KCNMB2: variants seen among roughly 807,000 people sequenced by gnomAD.
KCNMB2 encodes the protein calcium-activated potassium channel subunit beta-2.
Under a neutral mutation model 24.5 loss-of-function variants are expected in KCNMB2, and 9 were observed. The ratio of observed to expected loss-of-function variants is 0.37; its 90% CI spans 0.22 to 0.64. The LOEUF (loss-of-function observed/expected upper bound fraction) is 0.64, where lower values mean the gene tolerates loss of function less well. Among genes scored for constraint, KCNMB2 ranks in the 30% least tolerant of loss-of-function variants. The pLI is 0.63. For missense variants in KCNMB2, 226 were observed against 284.3 expected, an observed-to-expected ratio of 0.79 and a Z score of 1.47; for synonymous variants, 109 against 104.4, an observed-to-expected ratio of 1.04 and a Z score of -0.27.
At chr3:178,620,722 C>A (rs1718880267) in intron 1 of KCNMB2, among the ~76,000 whole-genome samples, 1 of 152,106 alleles carries the variant, frequency 6.6e-6, no homozygotes, top group Non-Finnish European at 1.5e-5. Flanking sequence ...CAGACCATAG[C>A]AAATGACAAC....
intron 1 of KCNMB2, among the ~76,000 whole-genome samples, chr3:178,592,978 T>C (rs1717731254): frequency 6.6e-6 from 1 of 152,210 alleles, no homozygotes; most frequent in South Asian, 2.1e-4. Flanking sequence ...GGTATAAAGT[T>C]TGACAAGTTC....
chr3:178,537,846 A>C (rs1397103776), intron 1 of KCNMB2, among the ~76,000 whole-genome samples: 1 of 152,198 alleles, frequency 6.6e-6, no homozygotes, highest in Non-Finnish European at 1.5e-5. Context: ...TATATTCTGA[A>C]AAACTCTGTA....
At chr3:178,721,737 TATTA>T (rs1722813928) in intron 1 of KCNMB2, among the ~76,000 whole-genome samples, 2 of 152,160 alleles carry the variant, frequency 1.3e-5, no homozygotes, top group Admixed American at 6.6e-5. Context: ...AAACACCAAG[TATTA>T]ATTGTCAGTG....
chr3:178,564,708 T>C (rs1310061739), intron 1 of KCNMB2, among the ~76,000 whole-genome samples: 1 of 152,204 alleles, frequency 6.6e-6, no homozygotes, highest in Non-Finnish European at 1.5e-5. Context: ...TCTCATTAAC[T>C]TGATGGATTA....
intron 1 of KCNMB2, among the ~76,000 whole-genome samples, chr3:178,605,315 T>A (rs1220046849): frequency 1.3e-5 from 2 of 152,176 alleles, no homozygotes; most frequent in Non-Finnish European, 2.9e-5. Context: ...CTTCCCAGCC[T>A]CTAAAGCTGT....
chr3:178,622,817 G>A (rs1043442592), intron 1 of KCNMB2, among the ~76,000 whole-genome samples: 11 of 152,128 alleles, frequency 7.2e-5, no homozygotes, highest in Non-Finnish European at 1.5e-4. Flanking sequence ...TGACACAAAC[G>A]TAGGATCCTT....
rs1332402037 is a variant in KCNMB2, at chr3:178,756,776, A to AT, written c.-67-50566dup. Among the ~76,000 whole-genome samples, 5 of 152,170 alleles carry AT rather than the reference A, an allele frequency of 3.3e-5. No homozygotes were observed. The East Asian group carries it at 5.8e-4, about 18-fold the overall frequency. ...GCCAATTTCCTCTTTCTTTCTCTGG[A>AT]TGTACCCTATTGTGGATTGCTTAGC... is the stretch of plus-strand genomic sequence containing the variant. On this transcript the variant is annotated intron_variant, in intron 1 of 4. Coordinates refer to ENST00000452583, the MANE Select transcript of KCNMB2 (RefSeq NM_181361.3).
chr3:178,712,133 A>C (rs373736246), intron 1 of KCNMB2, among the ~76,000 whole-genome samples: 2 of 152,212 alleles, frequency 1.3e-5, no homozygotes, highest in Non-Finnish European at 2.9e-5. Flanking sequence ...TAGCATGCCT[A>C]TTCAAACCAG....
In KCNMB2 at chr3:178,757,412, ATATATATATATGTATATATAT is replaced by A. The variant is rs1724132803; in HGVS notation, c.-67-49930_-67-49910del. Among the ~76,000 whole-genome samples, 4 of 58,868 alleles carry A rather than the reference ATATATATATATGTATATATAT, an allele frequency of 6.8e-5. 1 individual carries two copies. Among genetic ancestry groups the A allele is most frequent in the Non-Finnish European group, 1.2e-4 (4 of 33,398 alleles). 38.6% of individuals were successfully genotyped at this position (58,868 alleles called of 152,430 possible). A position where few individuals can be genotyped will look rare whatever the true frequency, so the allele number is the denominator to read the frequency against. On this transcript the variant is annotated intron_variant, in intron 1 of 4. Coordinates refer to ENST00000452583, the MANE Select transcript of KCNMB2 (RefSeq NM_181361.3). The stretch of plus-strand genomic sequence containing the variant: ...TATATATGTATATATATCCAAGAGG[ATATATATATATGTATATATAT>A]CCAAGAGGATATATATATATGTATA...
chr3:178,666,008 A>G (rs1720704942), intron 1 of KCNMB2, among the ~76,000 whole-genome samples: 1 of 152,164 alleles, frequency 6.6e-6, no homozygotes, highest in Non-Finnish European at 1.5e-5. Flanking sequence ...TACTGGTCAC[A>G]TGAGGCAACT....
intron 4 of KCNMB2, among the ~76,000 whole-genome samples, chr3:178,837,418 C>A (rs1383111023): frequency 1.3e-5 from 2 of 152,116 alleles, no homozygotes; most frequent in African/African-American, 4.8e-5. Context: ...ACACAGTAAC[C>A]AGATCTCCTG....
chr3:178,828,910 T>C (rs2108470408), intron 4 of KCNMB2, among the ~76,000 whole-genome samples: 1 of 150,698 alleles, frequency 6.6e-6, no homozygotes, highest in Non-Finnish European at 1.5e-5. Flanking sequence ...GCATGCTACT[T>C]TCAACCCATG....
intron 1 of KCNMB2, among the ~76,000 whole-genome samples, chr3:178,766,202 TTTTTA>T (rs1157737602): frequency 2.6e-5 from 4 of 152,292 alleles, no homozygotes; most frequent in Middle Eastern, 3.4e-3. Flanking sequence ...TTTGTTTTTA[TTTTTA>T]TTTTGAGATA....
Position 178,593,659 on chromosome 3 carries a change from C to G in KCNMB2, c.-68+56948C>G, listed in dbSNP as rs141287639. On this transcript the variant is annotated intron_variant, in intron 1 of 4. Transcript: ENST00000452583. ...TCCATAATATGGCATGTTCCACTTC[C>G]TGGAATGACCTAATCACCTCCCGTC... is the stretch of plus-strand genomic sequence containing the variant. Among the ~76,000 whole-genome samples, 188 of 151,694 alleles carry G rather than the reference C, an allele frequency of 1.2e-3. 3 individuals are homozygous for G. Among genetic ancestry groups the G allele is most frequent in the African/African-American group, 4.3e-3 (177 of 41,322 alleles).
chr3:178,664,618 C>CT (rs1720652241), intron 1 of KCNMB2, among the ~76,000 whole-genome samples: 1 of 152,170 alleles, frequency 6.6e-6, no homozygotes, highest in African/African-American at 2.4e-5. Flanking sequence ...AAAGGCATCC[C>CT]TGTATCTGAA....
chr3:178,631,557 G>A (rs1054200380), intron 1 of KCNMB2, among the ~76,000 whole-genome samples: 3 of 152,184 alleles, frequency 2.0e-5, no homozygotes, highest in Non-Finnish European at 4.4e-5. Context: ...CTGGATCGGG[G>A]GGTCGATGGA....
intron 1 of KCNMB2, among the ~76,000 whole-genome samples, chr3:178,578,591 A>T (rs1226814213): frequency 6.6e-6 from 1 of 152,274 alleles, no homozygotes; most frequent in African/African-American, 2.4e-5. Flanking sequence ...GGCAAATTGG[A>T]TAAAAAATCA....
intron 1 of KCNMB2, among the ~76,000 whole-genome samples, chr3:178,549,772 A>G (rs1022489181): frequency 6.6e-6 from 1 of 152,184 alleles, no homozygotes; most frequent in Non-Finnish European, 1.5e-5. Flanking sequence ...GGTCCATCTG[A>G]GCATCATGCA....
rs374377452 is a variant in KCNMB2 at position 178,695,787 on chromosome 3, T to G, written c.-67-111556T>G. 1.3e-5 allele frequency among the ~76,000 whole-genome samples: 2 copies of G among 152,312 alleles called. 1 individual carries two copies. ...AACTTTCCCACATCTTCCTGTCTTC[T>G]GAGCCCTCCAAGTCTCTAGGGAGTT... On this transcript the variant is annotated intron_variant, in intron 1 of 4. Transcript: ENST00000452583.
Sources: allele counts gnomAD v4.1 joint callset (sites outside exome capture counted in the v4.1 genomes callset), GRCh38; gene constraint gnomAD v4.1.1; transcripts MANE v1.5; gene names NCBI Gene and HGNC (gene_info 2026-07-23, HGNC 2026-07-21).